Variants in DQX1 observed in about 807,000 individuals in gnomAD.
DQX1 encodes the protein DEAQ-box RNA dependent ATPase 1, also known as ATP-dependent RNA helicase homolog DQX1.
Under a neutral mutation model 81.3 loss-of-function variants are expected in DQX1, and 66 were observed. The ratio of observed to expected loss-of-function variants is 0.81; its 90% CI spans 0.67 to 1.00. The LOEUF (loss-of-function observed/expected upper bound fraction) is 1.00. Ranked by LOEUF, DQX1 falls within the 50% of genes least tolerant of loss-of-function variation. The pLI is 0.00. For synonymous variants in DQX1, 290 were observed against 350.0 expected (o/e 0.83, Z 1.91); for missense variants, 798 against 867.9 (o/e 0.92, Z 1.01).
rs1674941175 is a variant in DQX1, at chr2:74,518,373, G to A, written c.*73C>T. 6.4e-7 allele frequency: 1 copy of A among 1,552,806 alleles called. No homozygotes were observed. The highest frequency in any genetic ancestry group is 2.3e-5 in the East Asian group (1 of 44,040). ...ACTTTGGGCTTCTAAATCTGTCTGGGTGCTTTGGTGTCACCCTGAGGGATA... is the reference window on the plus strand; with the variant it reads ...ACTTTGGGCTTCTAAATCTGTCTGGATGCTTTGGTGTCACCCTGAGGGATA... On this transcript the variant is annotated 3_prime_UTR_variant, in exon 12 of 12. Coordinates refer to ENST00000404568, the MANE Select transcript of DQX1 (RefSeq NM_133637.3).
rs555368073 is a variant in DQX1, at chr2:74,520,110, A to T, written c.1496-76T>A. ...GGATAGTAGTACAGGTAGAATGCTGAAAAGGCAGAAGTGTCCCTTTGGGAA... is the reference window on the plus strand; with the variant it reads ...GGATAGTAGTACAGGTAGAATGCTGTAAAGGCAGAAGTGTCCCTTTGGGAA... On this transcript the variant is annotated intron_variant, in intron 8 of 11. Transcript: ENST00000404568. 1.4e-3 allele frequency: 2,196 copies of T among 1,554,314 alleles called. 39 individuals are homozygous for T. The South Asian group carries it at 0.024, about 17-fold the overall frequency.
Position 74,525,323 on chromosome 2 carries a change from A to G in DQX1, c.238-121T>C. ...TTGGGGAGTCCCCTGGTCTTTCACC[A>G]GCCTCCAGGGCCAACCTAACCCATC... On this transcript the variant is annotated intron_variant, in intron 2 of 11. Transcript: ENST00000404568. The surrounding 1 kb of genome is among the most constrained non-coding windows in gnomAD (Gnocchi z 4.1). 12 of 1,301,804 alleles carry G rather than the reference A, an allele frequency of 9.2e-6. No individual in the cohort carries two copies. The highest frequency in any genetic ancestry group is 3.1e-5 in the South Asian group (2 of 65,228). The allele number at this position is 1,301,804 out of a possible 1,614,324, so 80.6% of individuals were successfully genotyped here. A position where few individuals can be genotyped will look rare whatever the true frequency, so the allele number is the denominator to read the frequency against.
chr2:74,523,443 C>T lies in DQX1; in HGVS notation c.911G>A (p.Cys304Tyr). The T allele has an allele frequency of 3.1e-6, 5 of 1,614,120 alleles. No individual in the cohort carries two copies. The highest frequency in any genetic ancestry group is 4.2e-6 in the Non-Finnish European group (5 of 1,180,024). Residue 304 changes from cysteine to tyrosine, a missense_variant, in exon 5 of 12, where the codon TGT becomes TAT. Physicochemically the swap from Cys to Tyr is radical, Grantham distance 194. Transcript: ENST00000404568. Reference sequence around the variant, plus strand: ...ATACACAGCCTGAACGGCTCGTCCACAGTCTGGGTGAAGGGGCAGTACTCG... The same window carrying T: ...ATACACAGCCTGAACGGCTCGTCCATAGTCTGGGTGAAGGGGCAGTACTCG... ...PPRVLPLHPD[C>Y]GRAVQAVYED...
chr2:74,525,067 G>A lies in DQX1; in HGVS notation c.373C>T (p.His125Tyr). The A allele has an allele frequency of 1.2e-6, 2 of 1,614,136 alleles. No individual in the cohort carries two copies. The highest frequency in any genetic ancestry group is 2.2e-5 in the South Asian group (2 of 91,070). Residue 125 changes from histidine to tyrosine, a missense_variant, in exon 3 of 12, where the codon CAT (histidine) becomes TAT (tyrosine). By Grantham distance (83) the His-to-Tyr change is moderately conservative. Transcript: ENST00000404568. This position sits in a 1 kb window ranked among gnomAD's most constrained non-coding sequence, Gnocchi z 4.1. The part of the protein sequence containing the change: ...VADEMDLTLG[H>Y]EVGYSIPQED... ...TGGGGGATGCTGTATCCAACCTCAT[G>A]ACCCAGGGTCAGGTCCATCTCATCA...
Position 74,523,473 on chromosome 2 carries a change from G to A in DQX1, c.881C>T (p.Pro294Leu). Residue 294 changes from proline (P) to leucine (L), a missense_variant, in exon 5 of 12, where the codon CCA becomes CTA. Transcript: ENST00000404568. ...TGGGTGAAGGGGCAGTACTCGTGGT[G>A]GAAGCCCTTGGAGAAGCAAGGACTC... The part of the protein sequence containing the change: ...EVESLLLQGL[P>L]PRVLPLHPDC... 6.2e-7 allele frequency: 1 copy of A among 1,614,092 alleles called. No homozygotes were observed. The highest frequency in any genetic ancestry group is 8.5e-7 in the Non-Finnish European group (1 of 1,180,018).
chr2:74,523,960 A>C lies in DQX1; in HGVS notation c.779T>G (p.Leu260Arg), dbSNP rs748452779. 6.2e-7 allele frequency: 1 copy of C among 1,605,138 alleles called. No homozygotes were observed. Among genetic ancestry groups the C allele is most frequent in the South Asian group, 1.1e-5 (1 of 90,834 alleles). The change falls in exon 4 of 12, where the codon CTT (leucine) becomes CGT (arginine). Residue 260 changes from leucine to arginine, a missense_variant. Leu to Arg is a moderately radical substitution (Grantham distance 102). Coordinates refer to ENST00000404568, the MANE Select transcript of DQX1 (RefSeq NM_133637.3). ...CAGGAACACTAGCACATCTCCTGGA[A>C]GCTCCTTCCGACACAATTCAAGCAC... is the stretch of plus-strand genomic sequence containing the variant. ...QAVLELCRKE[L>R]PGDVLVFLPS... is the part of the protein sequence containing the mutation.
rs1188207341 is a variant in DQX1, at chr2:74,526,164, C to T, written c.-48G>A. 2.8e-5 allele frequency: 5 copies of T among 177,294 alleles called. No homozygotes were observed. Among genetic ancestry groups the T allele is most frequent in the South Asian group, 1.3e-4 (1 of 7,594 alleles). The allele number at this position is 177,294 out of a possible 1,614,324, so 11.0% of individuals were successfully genotyped here. A position where few individuals can be genotyped will look rare whatever the true frequency, so the allele number is the denominator to read the frequency against. ...CTTGCAGCTCTAGGACGTGTCAGGA[C>T]GGCAGTCAGCTCCAGACCCACGTAG... On this transcript the variant is annotated 5_prime_UTR_variant, in exon 1 of 12. Coordinates refer to ENST00000404568, the MANE Select transcript of DQX1 (RefSeq NM_133637.3).
rs374359572 is a variant in DQX1, at chr2:74,519,222, T to A, written c.1815A>T (p.Arg605Ser). The change falls in exon 11 of 12, where the codon AGA becomes AGT. Residue 605 changes from arginine (R) to serine (S), a missense_variant. Transcript: ENST00000404568. ...GGTAATTTCCAGTCCCGTCTGTGTC[T>A]CTGGCCACCTTATTGAAAGGCAGAA... ...LVSGYFLKVA[R>S]DTDGTGNYLL... 36 of 1,557,476 alleles carry A rather than the reference T, an allele frequency of 2.3e-5. No individual in the cohort carries two copies. Among genetic ancestry groups the A allele is most frequent in the Non-Finnish European group, 2.9e-5 (34 of 1,152,784 alleles).
At chr2:74,522,532 G>T in intron 8 of DQX1, 48 bp downstream of exon 8, 1 of 1,572,366 alleles carries the variant, frequency 6.4e-7, no homozygotes, top group Non-Finnish European at 8.6e-7. Flanking sequence ...CCAAGAGGAA[G>T]GGCTGAAGTG....
At chr2:74,522,314 A>AGG (rs1278282167) in intron 8 of DQX1, among the ~76,000 whole-genome samples, 2 of 152,334 alleles carry the variant, frequency 1.3e-5, no homozygotes, top group African/African-American at 4.8e-5. Context: ...GCATAGCTGA[A>AGG]GGGGAGGATA....
At position 74,518,585 on chromosome 2, in the gene DQX1, G is replaced by A; in HGVS notation, c.2015C>T (p.Pro672Leu). Residue 672 changes from proline to leucine, a missense_variant, in exon 12 of 12, where the codon CCT becomes CTT. Transcript: ENST00000404568. ...AGGCAAGTTACTCAGGAAGTATGGA[G>A]GGGCCAATTCCACCAGCCTAATAGA... ...IQPQMLVELAPPYFLSNLPPS... is the reference protein window; with the variant it reads ...IQPQMLVELALPYFLSNLPPS... 6.2e-7 allele frequency: 1 copy of A among 1,614,162 alleles called. No individual in the cohort carries two copies. Among genetic ancestry groups the A allele is most frequent in the Non-Finnish European group, 8.5e-7 (1 of 1,180,006 alleles).
Position 74,525,684 on chromosome 2 carries a change from G to T in DQX1, c.46C>A (p.Pro16Thr), listed in dbSNP as rs1245680500. 6 of 1,551,588 alleles carry T rather than the reference G, an allele frequency of 3.9e-6. No homozygotes were observed. The highest frequency in any genetic ancestry group is 4.9e-5 in the East Asian group (2 of 40,938). The change falls in exon 2 of 12, where the codon CCT becomes ACT. Residue 16 changes from proline to threonine, a missense_variant. Pro to Thr is a conservative substitution (Grantham distance 38). Coordinates refer to ENST00000404568, the MANE Select transcript of DQX1 (RefSeq NM_133637.3). This position sits in a 1 kb window ranked among gnomAD's most constrained non-coding sequence, Gnocchi z 4.1. Reference protein sequence around the residue: ...LRLAEEYGPSPGESELAVNPF... With the variant: ...LRLAEEYGPSTGESELAVNPF... ...TTCACAGCCAGTTCAGACTCCCCAGGACTTGGGCCATACTCTTCTGCTAGC... is the reference window on the plus strand; with the variant it reads ...TTCACAGCCAGTTCAGACTCCCCAGTACTTGGGCCATACTCTTCTGCTAGC...
chr2:74,520,677 G>A (rs938538050), intron 8 of DQX1, among the ~76,000 whole-genome samples: 92 of 152,056 alleles, frequency 6.1e-4, no homozygotes, highest in African/African-American at 2.2e-3. Flanking sequence ...TTTTGTTGTT[G>A]TTGTTTGTTT....
intron 11 of DQX1, 68 bp from the exon 12 acceptor site, chr2:74,518,670 A>T: frequency 6.6e-7 from 1 of 1,512,552 alleles, no homozygotes; most frequent in South Asian, 1.2e-5. Context: ...TTTTAGAGAC[A>T]GGGTCTCGCT....
chr2:74,524,222 GA>G lies in DQX1; in HGVS notation c.516del (p.Gln173ArgfsTer93). 1 of 1,614,132 alleles carries G rather than the reference GA, an allele frequency of 6.2e-7. No homozygotes were observed. Among genetic ancestry groups the G allele is most frequent in the Non-Finnish European group, 8.5e-7 (1 of 1,180,026 alleles). ...GAATCTGATGCCACCGACCGCTCCT[GA>G]GCCTCATCTAGTACCAGCACGCCCC... is the stretch of plus-strand genomic sequence containing the variant. ...GAWGVLVLDE[A>X]QERSVASDSL... On this transcript the variant is annotated frameshift_variant, in exon 4 of 12. Coordinates refer to ENST00000404568, the MANE Select transcript of DQX1 (RefSeq NM_133637.3). LOFTEE classifies it high-confidence loss of function.
Position 74,522,705 on chromosome 2 carries a change from TC to T in DQX1, c.1369del (p.Asp457ThrfsTer73). ...TAGTATGACACCCAGATCTGACAGG[TC>T]CCCATCATCATCCAGGGCTGCCAGA... ...DYLAALDDDG[D>X]LSDLGVILSE... On this transcript the variant is annotated frameshift_variant, in exon 8 of 12. Transcript: ENST00000404568. LOFTEE classifies it high-confidence loss of function. 1.2e-6 allele frequency: 2 copies of T among 1,614,112 alleles called. No homozygotes were observed. Among genetic ancestry groups the T allele is most frequent in the Non-Finnish European group, 1.7e-6 (2 of 1,180,012 alleles).
In DQX1 at chr2:74,525,465, C is replaced by G. The variant is rs1675150418; in HGVS notation, c.237+28G>C. On this transcript the variant is annotated intron_variant, in intron 2 of 11. Coordinates refer to ENST00000404568, the MANE Select transcript of DQX1 (RefSeq NM_133637.3). This position sits in a 1 kb window ranked among gnomAD's most constrained non-coding sequence, Gnocchi z 4.1. ...TCCTCCCTTTGTCCACTCCCAGAATCTGCCTGCCCCCACAACCCCCACCAC... is the reference window on the plus strand; with the variant it reads ...TCCTCCCTTTGTCCACTCCCAGAATGTGCCTGCCCCCACAACCCCCACCAC... 1 of 1,547,930 alleles carries G rather than the reference C, an allele frequency of 6.5e-7. No individual in the cohort carries two copies. Among genetic ancestry groups the G allele is most frequent in the Non-Finnish European group, 8.7e-7 (1 of 1,144,374 alleles).
chr2:74,524,143 C>T lies in DQX1; in HGVS notation c.596G>A (p.Arg199Lys). Reference protein sequence around the residue: ...ARLEKLPGDLRVVVVTDPALE... With the variant: ...ARLEKLPGDLKVVVVTDPALE... The stretch of plus-strand genomic sequence containing the variant: ...GGCTGGGTCAGTAACCACAACCACT[C>T]TGAGGTCCCCCGGAAGTTTTTCCAG... The change falls in exon 4 of 12, where the codon AGA becomes AAA. Residue 199 changes from arginine to lysine, a missense_variant. Physicochemically the swap from Arg to Lys is conservative, Grantham distance 26 (BLOSUM62 2). Coordinates refer to ENST00000404568, the MANE Select transcript of DQX1 (RefSeq NM_133637.3). 1 of 1,614,212 alleles carries T rather than the reference C, an allele frequency of 6.2e-7. No individual in the cohort carries two copies. The highest frequency in any genetic ancestry group is 1.7e-5 in the Admixed American group (1 of 60,030).
intron 5 of DQX1, 24 bp from the exon 6 acceptor site, chr2:74,523,242 G>A (rs1358559803): frequency 6.2e-7 from 1 of 1,613,992 alleles, no homozygotes; most frequent in African/African-American, 1.3e-5. Flanking sequence ...CCCAACCAAG[G>A]CCAAGACAGA....
Sources: allele counts gnomAD v4.1 joint callset (sites outside exome capture counted in the v4.1 genomes callset), GRCh38; gene constraint gnomAD v4.1.1; non-coding constraint Gnocchi (gnomAD v3.1); transcripts MANE v1.5; gene names NCBI Gene and HGNC (gene_info 2026-07-23, HGNC 2026-07-21).